The following GOLPH3L variants were observed in gnomAD, a reference collection of about 807,000 sequenced individuals.
GOLPH3L encodes Golgi phosphoprotein 3-like.
GOLPH3L carries 22 observed loss-of-function variants against 30.3 expected under a neutral mutation model. That is an observed-to-expected ratio of 0.73 (90% CI 0.52 to 1.04). The LOEUF (loss-of-function observed/expected upper bound fraction) is 1.04, where lower values mean the gene tolerates loss of function less well. GOLPH3L is among the 50% of genes least tolerant of loss of function. The probability of loss-of-function intolerance (pLI) is 0.00; values close to 1 mark genes in which losing one functional copy is unlikely to be tolerated. For missense variants in GOLPH3L, 303 were observed against 345.8 expected, an observed-to-expected ratio of 0.88 and a Z score of 0.98; for synonymous variants, 120 against 128.2, an observed-to-expected ratio of 0.94 and a Z score of 0.43.
chr1:150,671,509 A>G (rs1418478577), intron 2 of GOLPH3L, among the ~76,000 whole-genome samples: 1 of 152,068 alleles, frequency 6.6e-6, no homozygotes, highest in Non-Finnish European at 1.5e-5. Flanking sequence ...TGCTTGGCAA[A>G]AAAAGAGGAA....
chr1:150,689,227 G>C (rs1651155722), intron 2 of GOLPH3L, among the ~76,000 whole-genome samples: 1 of 152,082 alleles, frequency 6.6e-6, no homozygotes, highest in East Asian at 1.9e-4. Context: ...TTCCAAGAAA[G>C]AGAGGATGGT....
intron 2 of GOLPH3L, among the ~76,000 whole-genome samples, chr1:150,689,986 G>T (rs898119270): frequency 1.3e-5 from 2 of 150,860 alleles, no homozygotes; most frequent in African/African-American, 4.9e-5. Context: ...CCCCTCAGAA[G>T]AATTTTTTTT....
chr1:150,681,124 C>T (rs1259150959), intron 2 of GOLPH3L, among the ~76,000 whole-genome samples: 1 of 152,004 alleles, frequency 6.6e-6, no homozygotes, highest in African/African-American at 2.4e-5. Flanking sequence ...GTGACAAGAG[C>T]AAAACTCCGC....
At chr1:150,686,300 G>A (rs888945840) in intron 2 of GOLPH3L, among the ~76,000 whole-genome samples, 7 of 152,214 alleles carry the variant, frequency 4.6e-5, no homozygotes, top group Middle Eastern at 3.4e-3. Context: ...ATGCAGCTTC[G>A]AACTCCTGGG....
intron 2 of GOLPH3L, among the ~76,000 whole-genome samples, chr1:150,667,490 C>T (rs1650532820): frequency 6.6e-6 from 1 of 152,044 alleles, no homozygotes. Flanking sequence ...TCGCTTGAGG[C>T]CAAGAGTTGG....
intron 2 of GOLPH3L, among the ~76,000 whole-genome samples, chr1:150,686,512 T>C (rs1404733441): frequency 6.6e-6 from 1 of 152,132 alleles, no homozygotes; most frequent in Admixed American, 6.5e-5. Flanking sequence ...AGTTGCAGAG[T>C]CAGTTTGAAT....
Position 150,663,707 on chromosome 1 carries a change from C to A in GOLPH3L, c.240G>T (p.Leu80=), listed in dbSNP as rs374881765. 6.2e-7 allele frequency: 1 copy of A among 1,613,616 alleles called. No individual in the cohort carries two copies. The highest frequency in any genetic ancestry group is 2.2e-5 in the East Asian group (1 of 44,878). ...CISSGLRGGI[L]IELAMRGRIY... ...TTCGACCCCGCATGGCCAGCTCTAT[C>A]AGGATGCCCCCTCGCAGGCCTGATG... is the stretch of plus-strand genomic sequence containing the variant. The change falls in exon 3 of 5, where the codon CTG becomes CTT. Residue 80 remains leucine (L), a synonymous_variant. Coordinates refer to ENST00000271732, the MANE Select transcript of GOLPH3L (RefSeq NM_018178.6).
Position 150,688,199 on chromosome 1 carries a change from T to C in GOLPH3L, c.183+6457A>G, listed in dbSNP as rs587737801. On this transcript the variant is annotated intron_variant, in intron 2 of 4. Transcript: ENST00000271732. ...CAAACTACTTGTTAAACTGTATATATGTGCTTTATACAATTTTCTGGATAC... is the reference window on the plus strand; with the variant it reads ...CAAACTACTTGTTAAACTGTATATACGTGCTTTATACAATTTTCTGGATAC... 2.0e-5 allele frequency among the ~76,000 whole-genome samples: 3 copies of C among 152,368 alleles called. No homozygotes were observed. In the South Asian group the frequency reaches 6.2e-4, roughly 32 times the overall value.
At chr1:150,694,050 G>A (rs913791437) in intron 2 of GOLPH3L, 4 of 343,382 alleles carry the variant, frequency 1.2e-5, no homozygotes, top group African/African-American at 9.1e-5. Flanking sequence ...GTAGAGACGG[G>A]GTTTCACCAT....
At position 150,687,586 on chromosome 1, in the gene GOLPH3L, C is replaced by CA. The variant is rs961518747; in HGVS notation, c.183+7069dup. On this transcript the variant is annotated intron_variant, in intron 2 of 4. Coordinates refer to ENST00000271732, the MANE Select transcript of GOLPH3L (RefSeq NM_018178.6). ...GCGAAACTCTGTCTCAAAAAAAAAA[C>CA]AAAAAAAAACTTTTTGATTAGTGAA... Among the ~76,000 whole-genome samples, 31 of 149,046 alleles carry CA rather than the reference C, an allele frequency of 2.1e-4. No homozygotes were observed. In the East Asian group the frequency reaches 3.3e-3, roughly 16 times the overall value.
chr1:150,663,350 G>T (rs1373865178), intron 3 of GOLPH3L, among the ~76,000 whole-genome samples: 1 of 152,034 alleles, frequency 6.6e-6, no homozygotes, highest in Admixed American at 6.6e-5. Context: ...ATTTCATAAT[G>T]TTATAGCTAT....
intron 2 of GOLPH3L, among the ~76,000 whole-genome samples, chr1:150,682,663 G>A (rs1650984635): frequency 1.5e-5 from 2 of 136,994 alleles, no homozygotes; most frequent in Non-Finnish European, 3.1e-5. Context: ...GTGTTCTCAT[G>A]TAGATCTCTG....
intron 4 of GOLPH3L, among the ~76,000 whole-genome samples, chr1:150,654,751 A>G (rs1405552583): frequency 6.6e-6 from 1 of 152,182 alleles, no homozygotes; most frequent in Non-Finnish European, 1.5e-5. Flanking sequence ...GTCCCCCGCC[A>G]TAGCAGGTAG....
At chr1:150,672,501 G>A (rs1332561917) in intron 2 of GOLPH3L, among the ~76,000 whole-genome samples, 1 of 152,196 alleles carries the variant, frequency 6.6e-6, no homozygotes, top group African/African-American at 2.4e-5. Context: ...CACAATCATG[G>A]CTCACTGCAA....
At chr1:150,694,555 T>C in intron 2 of GOLPH3L, 101 bp downstream of exon 2, 1 of 732,896 alleles carries the variant, frequency 1.4e-6, no homozygotes. Context: ...AGCACAATTC[T>C]AAGACCAATT....
chr1:150,680,213 G>T (rs1395788412), intron 2 of GOLPH3L, among the ~76,000 whole-genome samples: 1 of 152,108 alleles, frequency 6.6e-6, no homozygotes, highest in African/African-American at 2.4e-5. Flanking sequence ...ATTCTTTCAT[G>T]TATTTCCAAC....
chr1:150,693,682 C>T (rs1274884631), intron 2 of GOLPH3L, among the ~76,000 whole-genome samples: 1 of 150,234 alleles, frequency 6.7e-6, no homozygotes, highest in Non-Finnish European at 1.5e-5. Context: ...TTAAGACTAA[C>T]TGTACTATAA....
chr1:150,681,271 G>A (rs188711178), intron 2 of GOLPH3L, among the ~76,000 whole-genome samples: 34 of 152,320 alleles, frequency 2.2e-4, no homozygotes, highest in African/African-American at 8.2e-4. Flanking sequence ...TAGCTGATAA[G>A]TGGTAGAACC....
intron 2 of GOLPH3L, among the ~76,000 whole-genome samples, chr1:150,676,372 C>T (rs1340897321): frequency 2.0e-5 from 3 of 152,046 alleles, no homozygotes; most frequent in African/African-American, 7.2e-5. Context: ...CTTTACCACC[C>T]ACCCCACCCA....
Sources: gnomAD v4.1 joint callset for allele counts (sites outside exome capture counted in the v4.1 genomes callset) on GRCh38, gnomAD v4.1.1 for gene constraint, MANE v1.5 for transcripts, NCBI Gene and HGNC (gene_info 2026-07-23, HGNC 2026-07-21) for gene names.